Variants in LRCH3 observed in about 807,000 individuals in gnomAD.
The protein encoded by LRCH3 is DISP complex protein LRCH3.
In LRCH3, 68 loss-of-function variants were observed where a neutral mutation model predicts 104.5. The observed-to-expected ratio is 0.65, with a 90% CI of 0.54 to 0.80. The LOEUF (loss-of-function observed/expected upper bound fraction) is 0.80, where lower values mean the gene tolerates loss of function less well. LRCH3 is among the 30% of genes least tolerant of loss of function. The pLI is 0.00. For synonymous variants in LRCH3, 344 were observed against 361.3 expected (o/e 0.95, Z 0.54); for missense variants, 951 against 953.9 (o/e 1.00, Z 0.04).
chr3:197,813,562 G>C (rs983437369), intron 1 of LRCH3, among the ~76,000 whole-genome samples: 4 of 104,734 alleles, frequency 3.8e-5, no homozygotes, highest in Non-Finnish European at 6.9e-5. Context: ...ATGGAATCTC[G>C]CTCTCTTGCC....
rs1739437043 is a variant in LRCH3, at chr3:197,850,526, G to T, written c.1531-2035G>T. 5.0e-6 allele frequency: 8 copies of T among 1,591,602 alleles called. No homozygotes were observed. The South Asian group carries it at 7.7e-5, about 15-fold the overall frequency. On this transcript the variant is annotated intron_variant, in intron 12 of 20. Transcript: ENST00000425562. ...CCATAAGGATCATCTCAATGTGGCAGGGAGAGCTCATGTATGGGTTAATCC... is the reference window on the plus strand; with the variant it reads ...CCATAAGGATCATCTCAATGTGGCATGGAGAGCTCATGTATGGGTTAATCC...
Position 197,883,709 on chromosome 3 carries a change from A to G in LRCH3, c.*43A>G, listed in dbSNP as rs1713977982. 1.3e-6 allele frequency: 2 copies of G among 1,517,446 alleles called. No homozygotes were observed. Among genetic ancestry groups the G allele is most frequent in the Admixed American group, 2.1e-5 (1 of 47,908 alleles). 94.0% of individuals were successfully genotyped at this position (1,517,446 alleles called of 1,614,324 possible). A position where few individuals can be genotyped will look rare whatever the true frequency, so the allele number is the denominator to read the frequency against. On this transcript the variant is annotated 3_prime_UTR_variant, in exon 21 of 21. Transcript: ENST00000425562. This position sits in a 1 kb window ranked among gnomAD's most constrained non-coding sequence, Gnocchi z 4.2. ...GGCACTGGCCTGGCCAAAACAAGGA[A>G]CAGGACACCGTGATTGCTGCTGCCA...
intron 8 of LRCH3, among the ~76,000 whole-genome samples, chr3:197,832,830 T>C (rs1410612932): frequency 6.6e-6 from 1 of 152,206 alleles, no homozygotes; most frequent in Admixed American, 6.5e-5. Flanking sequence ...TACTTGCTTA[T>C]ACTTCCGAAG....
At chr3:197,818,529 CCA>C (rs943234049) in intron 3 of LRCH3, among the ~76,000 whole-genome samples, 4 of 152,228 alleles carry the variant, frequency 2.6e-5, no homozygotes, top group Non-Finnish European at 4.4e-5. Flanking sequence ...GTGGGAGAAT[CCA>C]CAAATATATT....
chr3:197,882,498 A>T, intron 20 of LRCH3: 2 of 939,476 alleles, frequency 2.1e-6, no homozygotes, highest in Non-Finnish European at 2.5e-6. Flanking sequence ...TTTCCTAGTA[A>T]TATCGTCTCA....
intron 5 of LRCH3, among the ~76,000 whole-genome samples, chr3:197,828,599 C>T (rs1735515888): frequency 6.6e-6 from 1 of 151,788 alleles, no homozygotes; most frequent in African/African-American, 2.4e-5. Context: ...CCTGCCTCGG[C>T]CTCCCAAAGT....
Position 197,810,724 on chromosome 3 carries a change from G to A in LRCH3, c.263-4184G>A, listed in dbSNP as rs1442937945. Among the ~76,000 whole-genome samples the A allele has an allele frequency of 6.6e-6, 1 of 151,542 alleles. No homozygotes were observed. Among genetic ancestry groups the A allele is most frequent in the Non-Finnish European group, 1.5e-5 (1 of 67,960 alleles). On this transcript the variant is annotated intron_variant, in intron 1 of 20. Coordinates refer to ENST00000425562, the MANE Select transcript of LRCH3 (RefSeq NM_001365715.1). This position sits in a 1 kb window ranked among gnomAD's most constrained non-coding sequence, Gnocchi z 4.0. ...TACACATTTAATTTTTTAAATTATT[G>A]TGGAGAAAAAAAACAGAAAAAGGAA...
chr3:197,806,682 C>T (rs957485627), intron 1 of LRCH3, among the ~76,000 whole-genome samples: 1 of 150,658 alleles, frequency 6.6e-6, no homozygotes, highest in African/African-American at 2.4e-5. Context: ...AGTTCAAGAC[C>T]ACCCTGGCTA....
Position 197,791,290 on chromosome 3 carries a change from G to T in LRCH3, c.12G>T (p.Ala4=), listed in dbSNP as rs778546789. MAA[A]GLVAVAAAAE... ...TTGTCGGCTGGGAAATGGCGGCCGC[G>T]GGCTTGGTCGCTGTGGCAGCGGCTG... The change falls in exon 1 of 21, where the codon GCG becomes GCT. Residue 4 remains alanine (A), a synonymous_variant. Transcript: ENST00000425562. 1.2e-6 allele frequency: 2 copies of T among 1,608,462 alleles called. No homozygotes were observed. The highest frequency in any genetic ancestry group is 8.5e-7 in the Non-Finnish European group (1 of 1,178,660).
chr3:197,844,963 A>G (rs144760462), intron 10 of LRCH3, among the ~76,000 whole-genome samples: 12 of 152,176 alleles, frequency 7.9e-5, no homozygotes, highest in Admixed American at 7.2e-4. Flanking sequence ...AGAAATAGCT[A>G]TTGGATTTGG....
rs568614259 is a variant in LRCH3 at position 197,883,421 on chromosome 3, A to C, written c.2209-120A>C. 7.1e-7 allele frequency: 1 copy of C among 1,403,054 alleles called. No individual in the cohort carries two copies. The highest frequency in any genetic ancestry group is 9.3e-7 in the Non-Finnish European group (1 of 1,069,910). The allele number at this position is 1,403,054 out of a possible 1,614,324, so 86.9% of individuals were successfully genotyped here. ...CACTGAGGTCAGTTTCCCAGGTACT[A>C]ATTTTCATATCTAAGTTGATGATTG... On this transcript the variant is annotated intron_variant, in intron 20 of 20. Transcript: ENST00000425562. The surrounding 1 kb of genome is among the most constrained non-coding windows in gnomAD (Gnocchi z 4.2).
At position 197,879,456 on chromosome 3, in the gene LRCH3, C is replaced by T. The variant is rs1356367144; in HGVS notation, c.2208+3681C>T. Among the ~76,000 whole-genome samples the T allele has an allele frequency of 3.3e-5, 5 of 151,148 alleles. 1 individual carries two copies. The highest frequency in any genetic ancestry group is 9.8e-5 in the African/African-American group (4 of 40,620). On this transcript the variant is annotated intron_variant, in intron 20 of 20. Coordinates refer to ENST00000425562, the MANE Select transcript of LRCH3 (RefSeq NM_001365715.1). ...GGTCAGGAGATCGAGACCATCCTGG[C>T]TAACATGGTGAAACCCCGTCTCTAC... is the stretch of plus-strand genomic sequence containing the variant.
chr3:197,850,320 T>G, intron 12 of LRCH3: 2 of 701,418 alleles, frequency 2.9e-6, no homozygotes, highest in Non-Finnish European at 2.4e-6. Flanking sequence ...ACTCATTTAA[T>G]TCTCCCAACT....
chr3:197,817,360 G>GTGTGTGTGTATATATATATATA, intron 3 of LRCH3, 58 bp downstream of exon 3: 50 of 89,940 alleles, frequency 5.6e-4, no homozygotes, highest in Admixed American at 2.3e-3. Flanking sequence ...GTGTGTGTGT[G>GTGTGTGTGTATATATATATATA]TATATATATA....
At position 197,791,519 on chromosome 3, in the gene LRCH3, C is replaced by A; in HGVS notation, c.241C>A (p.Leu81Met). ...TCCCCGGGGAGCGGCCAACCACGAC[C>A]TGACGGACACCACCCGGGCGGGTGA... is the stretch of plus-strand genomic sequence containing the variant. ...EFPRGAANHD[L>M]TDTTRADLSR... The change falls in exon 1 of 21, where the codon CTG becomes ATG. Residue 81 changes from leucine to methionine, a missense_variant. By Grantham distance (15) the Leu-to-Met change is conservative (BLOSUM62 2). Coordinates refer to ENST00000425562, the MANE Select transcript of LRCH3 (RefSeq NM_001365715.1). The A allele has an allele frequency of 6.3e-7, 1 of 1,594,596 alleles. No individual in the cohort carries two copies. Among genetic ancestry groups the A allele is most frequent in the Non-Finnish European group, 8.5e-7 (1 of 1,172,944 alleles).
intron 10 of LRCH3, among the ~76,000 whole-genome samples, chr3:197,841,820 T>TGTTTC (rs1737837185): frequency 8.5e-6 from 1 of 118,058 alleles, no homozygotes; most frequent in Non-Finnish European, 1.8e-5. Context: ...TGTTTTGTTT[T>TGTTTC]GTTTTGTTTT....
chr3:197,795,336 C>G (rs1480373995), intron 1 of LRCH3, among the ~76,000 whole-genome samples: 1 of 152,168 alleles, frequency 6.6e-6, no homozygotes, highest in Non-Finnish European at 1.5e-5. Context: ...ATAGGGTATG[C>G]CAGTGACTCA....
intron 1 of LRCH3, among the ~76,000 whole-genome samples, chr3:197,812,028 G>C (rs1733182954): frequency 6.6e-6 from 1 of 151,948 alleles, no homozygotes; most frequent in African/African-American, 2.4e-5. Flanking sequence ...AAATTGTTGT[G>C]GTAAAATATG....
At chr3:197,833,581 G>T (rs939689143) in intron 8 of LRCH3, among the ~76,000 whole-genome samples, 2 of 151,810 alleles carry the variant, frequency 1.3e-5, no homozygotes, top group African/African-American at 4.8e-5. Flanking sequence ...GATATGTATT[G>T]TAAGTATAAA....
Sources: gnomAD v4.1 joint callset for allele counts (sites outside exome capture counted in the v4.1 genomes callset) on GRCh38, gnomAD v4.1.1 for gene constraint, Gnocchi (gnomAD v3.1) non-coding constraint, MANE v1.5 for transcripts, NCBI Gene and HGNC (gene_info 2026-07-23, HGNC 2026-07-21) for gene names.